Variants in NRG1 observed in about 807,000 individuals in gnomAD.
The protein encoded by NRG1 is neuregulin 1.
NRG1 carries 18 observed loss-of-function variants against 63.8 expected under a neutral mutation model. That is an observed-to-expected ratio of 0.28 (90% confidence interval 0.19 to 0.42). NRG1 has a LOEUF of 0.42. NRG1 is among the 10% of genes least tolerant of loss of function. The probability of loss-of-function intolerance (pLI) is 1.00; values close to 1 mark genes in which losing one functional copy is unlikely to be tolerated. For synonymous variants in NRG1, 302 were observed against 301.3 expected (o/e 1.00, Z -0.02); for missense variants, 762 against 814.7 (o/e 0.94, Z 0.79).
intron 1 of NRG1, among the ~76,000 whole-genome samples, chr8:31,892,932 A>C (rs1206605853): frequency 6.6e-6 from 1 of 152,032 alleles, no homozygotes; most frequent in Non-Finnish European, 1.5e-5. Context: ...TGTATAAAAC[A>C]GCTAATTTTC....
chr8:32,477,757 A>G (rs1824708182), intron 1 of NRG1, among the ~76,000 whole-genome samples: 1 of 152,198 alleles, frequency 6.6e-6, no homozygotes, highest in Admixed American at 6.5e-5. Context: ...TACTAATAAG[A>G]ATTATTAATT....
At chr8:32,701,090 T>G (rs951445525) in intron 5 of NRG1, among the ~76,000 whole-genome samples, 2 of 152,190 alleles carry the variant, frequency 1.3e-5, no homozygotes, top group African/African-American at 2.4e-5. Flanking sequence ...TTTGGAACTT[T>G]CCAGAAGTCG....
At chr8:32,134,382 TA>T (rs1276448613) in intron 1 of NRG1, among the ~76,000 whole-genome samples, 5 of 152,250 alleles carry the variant, frequency 3.3e-5, no homozygotes, top group Non-Finnish European at 7.4e-5. Context: ...GTCTTCAAAA[TA>T]AAGGCCTCCA....
chr8:31,680,220 C>T (rs1366175779), intron 1 of NRG1, among the ~76,000 whole-genome samples: 1 of 151,650 alleles, frequency 6.6e-6, no homozygotes, highest in Non-Finnish European at 1.5e-5. Context: ...ATACATGTGC[C>T]ATGCTGGTGC....
chr8:32,182,131 G>C (rs1343822010), intron 1 of NRG1, among the ~76,000 whole-genome samples: 2 of 152,168 alleles, frequency 1.3e-5, no homozygotes, highest in East Asian at 3.9e-4. Flanking sequence ...AAAAAGAGGA[G>C]CTGGGCACAG....
chr8:31,984,282 A>T (rs1425020780), intron 1 of NRG1, among the ~76,000 whole-genome samples: 1 of 152,128 alleles, frequency 6.6e-6, no homozygotes, highest in Non-Finnish European at 1.5e-5. Context: ...AATCTTTTTT[A>T]AAAAAGAGAA....
At chr8:32,381,818 A>G (rs867445693) in intron 1 of NRG1, among the ~76,000 whole-genome samples, 1 of 152,386 alleles carries the variant, frequency 6.6e-6, no homozygotes, top group South Asian at 2.1e-4. Flanking sequence ...ACAAAGAACA[A>G]TATCTGAAAC....
chr8:31,854,734 C>T (rs1381886583), intron 1 of NRG1, among the ~76,000 whole-genome samples: 4 of 152,186 alleles, frequency 2.6e-5, no homozygotes, highest in Non-Finnish European at 5.9e-5. Flanking sequence ...TTCCTCCTTT[C>T]TCTTGTGGGC....
chr8:32,001,111 G>T (rs1812850623), intron 1 of NRG1, among the ~76,000 whole-genome samples: 1 of 151,988 alleles, frequency 6.6e-6, no homozygotes, highest in South Asian at 2.1e-4. Flanking sequence ...TAGTGTGGTA[G>T]ATTTGTTACA....
At chr8:32,350,810 C>G (rs928338064) in intron 1 of NRG1, among the ~76,000 whole-genome samples, 13 of 151,824 alleles carry the variant, frequency 8.6e-5, no homozygotes, top group Admixed American at 3.3e-4. Flanking sequence ...AAATCAAGGG[C>G]CTCCTTGAAT....
At chr8:32,380,495 A>G (rs1810211417) in intron 1 of NRG1, among the ~76,000 whole-genome samples, 1 of 151,944 alleles carries the variant, frequency 6.6e-6, no homozygotes, top group Admixed American at 6.6e-5. Context: ...CCAACACCCA[A>G]CCACCACCTT....
chr8:32,047,371 G>T (rs1320364663), intron 1 of NRG1, among the ~76,000 whole-genome samples: 2 of 152,026 alleles, frequency 1.3e-5, no homozygotes, highest in Admixed American at 6.6e-5. Flanking sequence ...CCTATAAAAA[G>T]ATAAAGGCAG....
chr8:31,783,528 A>C (rs543035629), intron 1 of NRG1, among the ~76,000 whole-genome samples: 1 of 151,638 alleles, frequency 6.6e-6, no homozygotes, highest in Non-Finnish European at 1.5e-5. Flanking sequence ...ATGCCATTGC[A>C]GTAGCTCACT....
At chr8:32,604,289 A>G (rs1269366620) in intron 2 of NRG1, among the ~76,000 whole-genome samples, 1 of 152,154 alleles carries the variant, frequency 6.6e-6, no homozygotes, top group Non-Finnish European at 1.5e-5. Context: ...GTGGAAGATC[A>G]GGGGGTCTAC....
chr8:32,477,122 C>A (rs894170099), intron 1 of NRG1, among the ~76,000 whole-genome samples: 1 of 152,146 alleles, frequency 6.6e-6, no homozygotes. Flanking sequence ...GTTAAATATT[C>A]ATTCCAGCAA....
intron 1 of NRG1, among the ~76,000 whole-genome samples, chr8:31,980,902 A>G (rs914090316): frequency 6.6e-5 from 10 of 152,040 alleles, no homozygotes; most frequent in African/African-American, 1.9e-4. Context: ...TTATATGTCA[A>G]TGAATGTGAC....
At chr8:32,632,837 AACTCATTCTCATC>A in intron 5 of NRG1, among the ~76,000 whole-genome samples, 1 of 152,332 alleles carries the variant, frequency 6.6e-6, no homozygotes, top group East Asian at 1.9e-4. Flanking sequence ...TTAATTCTAA[AACTCATTCTCATC>A]CTTGTTAGCA....
intron 1 of NRG1, among the ~76,000 whole-genome samples, chr8:32,313,232 G>C (rs1362407700): frequency 6.6e-6 from 1 of 152,140 alleles, no homozygotes; most frequent in Non-Finnish European, 1.5e-5. Flanking sequence ...AGTTGATATT[G>C]CTGTAGATGT....
chr8:31,658,394 G>A (rs1241402630), intron 1 of NRG1, among the ~76,000 whole-genome samples: 1 of 152,156 alleles, frequency 6.6e-6, no homozygotes, highest in Non-Finnish European at 1.5e-5. Flanking sequence ...AGAATGATGT[G>A]TCTCTCTCAG....
Sources: allele counts gnomAD v4.1 joint callset (sites outside exome capture counted in the v4.1 genomes callset), GRCh38; gene constraint gnomAD v4.1.1; transcripts MANE v1.5; gene names NCBI Gene and HGNC (gene_info 2026-07-23, HGNC 2026-07-21).